Variants in MARCHF3 observed in about 807,000 individuals in gnomAD.
The protein encoded by MARCHF3 is membrane associated ring-CH-type finger 3.
A neutral mutation model predicts 24.2 loss-of-function variants in MARCHF3; 13 were observed. That is an observed-to-expected ratio of 0.54 (90% confidence interval 0.35 to 0.85). MARCHF3 has a LOEUF of 0.85. MARCHF3 is among the 40% of genes least tolerant of loss of function. MARCHF3 has a pLI of 0.01. For missense variants in MARCHF3, 276 were observed against 325.0 expected, an observed-to-expected ratio of 0.85 and a Z score of 1.16; for synonymous variants, 144 against 137.3, an observed-to-expected ratio of 1.05 and a Z score of -0.34.
intron 3 of MARCHF3, among the ~76,000 whole-genome samples, chr5:126,885,399 C>T (rs1009823494): frequency 6.6e-6 from 1 of 151,990 alleles, no homozygotes; most frequent in Non-Finnish European, 1.5e-5. Context: ...AAAACCCCAT[C>T]TCTACTAAAA....
intron 1 of MARCHF3, among the ~76,000 whole-genome samples, chr5:126,985,084 T>A (rs535578996): frequency 4.6e-5 from 7 of 152,268 alleles, no homozygotes; most frequent in Admixed American, 2.0e-4. Context: ...GGGAGAAATT[T>A]AATTCAGAAC....
chr5:126,952,296 G>A (rs747616096), intron 1 of MARCHF3, among the ~76,000 whole-genome samples: 1 of 152,188 alleles, frequency 6.6e-6, no homozygotes, highest in Non-Finnish European at 1.5e-5. Context: ...GAGGGAGAAT[G>A]AGCAAGAGAC....
Position 126,867,998 on chromosome 5 carries a change from TAA to T in MARCHF3, c.*2633_*2634del, listed in dbSNP as rs1158431786. The stretch of plus-strand genomic sequence containing the variant: ...AGGAGTGTGGAAGAGGGAGTTTTTT[TAA>T]AAAGTCAGTTAAAGAGAAGCAATGA... On this transcript the variant is annotated 3_prime_UTR_variant, in exon 5 of 5. Coordinates refer to ENST00000308660, the MANE Select transcript of MARCHF3 (RefSeq NM_178450.5). 2.0e-5 allele frequency: 3 copies of T among 152,130 alleles called. No homozygotes were observed. The highest frequency in any genetic ancestry group is 7.2e-5 in the African/African-American group (3 of 41,428). 9.4% of individuals were successfully genotyped at this position (152,130 alleles called of 1,614,324 possible). A position where few individuals can be genotyped will look rare whatever the true frequency, so the allele number is the denominator to read the frequency against.
At chr5:126,949,211 C>T (rs1178240640) in intron 1 of MARCHF3, among the ~76,000 whole-genome samples, 1 of 152,098 alleles carries the variant, frequency 6.6e-6, no homozygotes, top group East Asian at 1.9e-4. Context: ...TACTAGCAGG[C>T]TAATAAATGA....
chr5:126,886,426 G>A (rs1286224743), intron 3 of MARCHF3, among the ~76,000 whole-genome samples: 1 of 152,170 alleles, frequency 6.6e-6, no homozygotes, highest in African/African-American at 2.4e-5. Context: ...ACTTCCAGTT[G>A]CCCCGCATTG....
At chr5:127,004,866 C>T (rs887011950) in intron 1 of MARCHF3, among the ~76,000 whole-genome samples, 1 of 151,954 alleles carries the variant, frequency 6.6e-6, no homozygotes, top group Non-Finnish European at 1.5e-5. Context: ...TAACTGAGAC[C>T]CAATTCACTA....
At position 126,918,043 on chromosome 5, in the gene MARCHF3, T is replaced by A; in HGVS notation, c.129A>T (p.Gln43His). ...LVNGQPQYVMQVSAKDGQLLS... is the reference protein window; with the variant it reads ...LVNGQPQYVMHVSAKDGQLLS... ...GCAGCTGCCCGTCCTTGGCTGAAAC[T>A]TGCATGACATACTGCGGCTGCCCAT... The change falls in exon 2 of 5, where the codon CAA (glutamine) becomes CAT (histidine). Residue 43 changes from glutamine to histidine, a missense_variant. By Grantham distance (24) the Gln-to-His change is conservative (BLOSUM62 0). Coordinates refer to ENST00000308660, the MANE Select transcript of MARCHF3 (RefSeq NM_178450.5). 6.2e-7 allele frequency: 1 copy of A among 1,614,164 alleles called. No individual in the cohort carries two copies. Among genetic ancestry groups the A allele is most frequent in the Non-Finnish European group, 8.5e-7 (1 of 1,180,026 alleles).
rs1466106901 is a variant in MARCHF3, at chr5:126,962,299, T to C, written c.-56-44072A>G. ...AAATTCAATTAACTGGCTGTGTCCC[T>C]GTGGGCTAGTCATTTCATTTCTGTG... On this transcript the variant is annotated intron_variant, in intron 1 of 4. Transcript: ENST00000308660. 3.3e-5 allele frequency among the ~76,000 whole-genome samples: 5 copies of C among 152,128 alleles called. No individual in the cohort carries two copies. In the East Asian group the frequency reaches 9.6e-4, roughly 29 times the overall value.
rs142600319 is a variant in MARCHF3 at position 126,876,831 on chromosome 5, G to A, written c.603+1354C>T. ...TGCCCAGCTAATTTTTGTATTTTTA[G>A]TAGAGACAGGGTTTCGCCATGTTGG... On this transcript the variant is annotated intron_variant, in intron 4 of 4. Coordinates refer to ENST00000308660, the MANE Select transcript of MARCHF3 (RefSeq NM_178450.5). Among the ~76,000 whole-genome samples the A allele has an allele frequency of 9.6e-3, 1,467 of 152,242 alleles. 27 individuals carry two copies. Among genetic ancestry groups the A allele is most frequent in the African/African-American group, 0.033 (1,378 of 41,530 alleles).
intron 1 of MARCHF3, among the ~76,000 whole-genome samples, chr5:126,958,506 A>T (rs1750525316): frequency 6.6e-6 from 1 of 152,040 alleles, no homozygotes; most frequent in African/African-American, 2.4e-5. Context: ...TTTCTTTTTC[A>T]TGATCTAATT....
intron 2 of MARCHF3, among the ~76,000 whole-genome samples, chr5:126,917,322 A>G (rs531929445): frequency 6.6e-6 from 1 of 152,338 alleles, no homozygotes; most frequent in South Asian, 2.1e-4. Context: ...AGTGCTGGTC[A>G]GGATAAGTGG....
intron 1 of MARCHF3, among the ~76,000 whole-genome samples, chr5:126,930,155 C>A (rs553147261): frequency 3.3e-5 from 5 of 152,212 alleles, no homozygotes; most frequent in African/African-American, 9.6e-5. Flanking sequence ...TACAGAAGAT[C>A]TGGATTTGTG....
intron 3 of MARCHF3, among the ~76,000 whole-genome samples, chr5:126,887,402 A>G (rs1753543655): frequency 6.6e-6 from 1 of 152,244 alleles, no homozygotes. Flanking sequence ...TCCCATTACA[A>G]TTGTTGCAGA....
chr5:126,911,179 G>A (rs559022727), intron 3 of MARCHF3, among the ~76,000 whole-genome samples: 2 of 152,202 alleles, frequency 1.3e-5, no homozygotes, highest in East Asian at 1.9e-4. Context: ...AATTTTGCCC[G>A]GGTCCTGTGG....
chr5:126,906,340 T>C (rs886389300), intron 3 of MARCHF3, among the ~76,000 whole-genome samples: 9 of 152,256 alleles, frequency 5.9e-5, no homozygotes, highest in Non-Finnish European at 1.0e-4. Context: ...TAAAATGAGT[T>C]AGGGAGGATT....
At chr5:126,926,882 C>T (rs184113649) in intron 1 of MARCHF3, among the ~76,000 whole-genome samples, 43 of 152,052 alleles carry the variant, frequency 2.8e-4, no homozygotes, top group Non-Finnish European at 5.1e-4. Context: ...AACAACGGGG[C>T]CAGGGTAGGG....
intron 1 of MARCHF3, among the ~76,000 whole-genome samples, chr5:127,026,326 G>A (rs12655220): frequency 0.58 from 87,860 of 152,000 alleles, 26,102 homozygotes; most frequent in East Asian, 0.79. Context: ...TTGCCAGAGT[G>A]AAAACATTAG....
chr5:126,911,121 A>G (rs940422078), intron 3 of MARCHF3, among the ~76,000 whole-genome samples: 3 of 152,210 alleles, frequency 2.0e-5, no homozygotes, highest in African/African-American at 7.2e-5. Context: ...GTCTCCTGAT[A>G]AGATGTTATC....
At chr5:126,955,423 C>T (rs1750406304) in intron 1 of MARCHF3, among the ~76,000 whole-genome samples, 1 of 152,192 alleles carries the variant, frequency 6.6e-6, no homozygotes, top group South Asian at 2.1e-4. Context: ...ACTTGCTTTC[C>T]AAAGTGGTGT....
Sources: gnomAD v4.1 joint callset for allele counts (sites outside exome capture counted in the v4.1 genomes callset) on GRCh38, gnomAD v4.1.1 for gene constraint, MANE v1.5 for transcripts, NCBI Gene and HGNC (gene_info 2026-07-23, HGNC 2026-07-21) for gene names.